The following ZNF345 variants were observed in gnomAD, a reference collection of about 807,000 sequenced individuals.
ZNF345 encodes the protein zinc finger protein 345.
For missense variants in ZNF345, 527 were observed against 589.9 expected, an observed-to-expected ratio of 0.89 and a Z score of 1.10; for synonymous variants, 166 against 187.9, an observed-to-expected ratio of 0.88 and a Z score of 0.95.
intron 2 of ZNF345, chr19:36,858,363 T>TC (rs1555720219): frequency 6.6e-6 from 1 of 152,656 alleles, no homozygotes; most frequent in African/African-American, 2.4e-5. Context: ...CAGATGACTC[T>TC]ATGCACTGCC....
rs182805676 is a variant in ZNF345 at position 36,868,502 on chromosome 19, C to T, written c.-46-8283C>T. Among the ~76,000 whole-genome samples, 184 of 152,194 alleles carry T rather than the reference C, an allele frequency of 1.2e-3. 1 individual carries two copies. Among genetic ancestry groups the T allele is most frequent in the Non-Finnish European group, 2.1e-3 (142 of 68,002 alleles). ...GTTCTTAGGCCAGTCCTTTTGATTACTGTAGCTTTATAATAGTAAGTTTTA... is the reference window on the plus strand; with the variant it reads ...GTTCTTAGGCCAGTCCTTTTGATTATTGTAGCTTTATAATAGTAAGTTTTA... On this transcript the variant is annotated intron_variant, in intron 2 of 2. Coordinates refer to ENST00000420450, the MANE Select transcript of ZNF345 (RefSeq NM_001242472.2).
chr19:36,872,226 A>C (rs574403070), intron 2 of ZNF345, among the ~76,000 whole-genome samples: 1 of 152,292 alleles, frequency 6.6e-6, no homozygotes, highest in East Asian at 1.9e-4. Context: ...ATGATGGTAC[A>C]TCTTTTATTG....
intron 2 of ZNF345, among the ~76,000 whole-genome samples, chr19:36,854,235 G>GTTTTTTTTTTTTTTTT (rs34215056): frequency 7.2e-6 from 1 of 138,700 alleles, no homozygotes; most frequent in African/African-American, 2.6e-5. Flanking sequence ...CCTGGGTTTT[G>GTTTTTTTTTTTTTTTT]TTTTTTTTTT....
chr19:36,880,432 A>ATG (rs35326782), downstream of ZNF345, among the ~76,000 whole-genome samples: 36,249 of 152,058 alleles, frequency 0.24, 6,036 homozygotes, highest in African/African-American at 0.47. Flanking sequence ...TAAAAAAACT[A>ATG]GCAGTTTTCT....
chr19:36,877,948 A>G lies in ZNF345; in HGVS notation c.1118A>G (p.Lys373Arg). Reference protein sequence around the residue: ...IHTGEKPYECKECGKAFGSGS... With the variant: ...IHTGEKPYECRECGKAFGSGS... ...ACTGGTGAGAAACCCTATGAATGTA[A>G]GGAATGTGGGAAGGCCTTTGGTAGT... Residue 373 changes from lysine to arginine, a missense_variant, in exon 3 of 3, where the codon AAG becomes AGG. Lys to Arg is a conservative substitution (Grantham distance 26). Transcript: ENST00000420450. 3.1e-6 allele frequency: 5 copies of G among 1,614,104 alleles called. No individual in the cohort carries two copies. Among genetic ancestry groups the G allele is most frequent in the Non-Finnish European group, 4.2e-6 (5 of 1,179,936 alleles).
intron 2 of ZNF345, among the ~76,000 whole-genome samples, chr19:36,859,007 G>A (rs2072485358): frequency 6.6e-6 from 1 of 151,638 alleles, no homozygotes; most frequent in South Asian, 2.1e-4. Context: ...AAAATACACT[G>A]GTCATCTTAG....
At chr19:36,855,394 C>T (rs552348421) in intron 2 of ZNF345, among the ~76,000 whole-genome samples, 15 of 148,974 alleles carry the variant, frequency 1.0e-4, no homozygotes, top group East Asian at 2.0e-4. Context: ...ATGATCTGCC[C>T]GCCTCGGCCT....
intron 3 of ZNF345, among the ~76,000 whole-genome samples, chr19:36,886,640 G>A (rs996679437): frequency 3.3e-5 from 5 of 152,056 alleles, no homozygotes; most frequent in Non-Finnish European, 7.4e-5. Flanking sequence ...GAGGTCAGGA[G>A]TTCGAGACCA....
intron 2 of ZNF345, among the ~76,000 whole-genome samples, chr19:36,867,171 T>C (rs1285969681): frequency 5.3e-5 from 8 of 152,206 alleles, no homozygotes; most frequent in Non-Finnish European, 1.2e-4. Context: ...TTTACCAACA[T>C]TTGGAATAGT....
chr19:36,889,260 G>T (rs924474825), intron 3 of ZNF345: 1 of 151,946 alleles, frequency 6.6e-6, no homozygotes, highest in Non-Finnish European at 1.5e-5. Flanking sequence ...TAGTTTTTTT[G>T]TGTGTTTTAT....
At chr19:36,861,313 T>G (rs1295412131) in intron 2 of ZNF345, among the ~76,000 whole-genome samples, 1 of 152,222 alleles carries the variant, frequency 6.6e-6, no homozygotes, top group Non-Finnish European at 1.5e-5. Context: ...AATGTGAATA[T>G]TTGGAAACCA....
chr19:36,886,329 G>A (rs1425054467), intron 3 of ZNF345, among the ~76,000 whole-genome samples: 2 of 152,136 alleles, frequency 1.3e-5, no homozygotes, highest in African/African-American at 4.8e-5. Flanking sequence ...TTACACTGGA[G>A]AAACTTGACA....
chr19:36,860,106 C>T (rs1399034536), intron 2 of ZNF345, among the ~76,000 whole-genome samples: 4 of 151,974 alleles, frequency 2.6e-5, no homozygotes, highest in Non-Finnish European at 5.9e-5. Context: ...TACAGGCGCA[C>T]GCCACCACAC....
intron 2 of ZNF345, among the ~76,000 whole-genome samples, chr19:36,863,347 C>A (rs1330869805): frequency 6.6e-6 from 1 of 152,134 alleles, no homozygotes; most frequent in Non-Finnish European, 1.5e-5. Context: ...TGAGCATGCC[C>A]TTTGCACTAC....
In ZNF345 at chr19:36,876,794, C is replaced by CA. The variant is rs754679336; in HGVS notation, c.-34dup. 23 of 1,538,996 alleles carry CA rather than the reference C, an allele frequency of 1.5e-5. No homozygotes were observed. In the South Asian group the frequency reaches 2.7e-4, roughly 18 times the overall value. On this transcript the variant is annotated 5_prime_UTR_variant, in exon 3 of 3. It removes the in-frame stop codon of an upstream open reading frame in the 5' UTR. Coordinates refer to ENST00000420450, the MANE Select transcript of ZNF345 (RefSeq NM_001242472.2). ...TTATATTTTCTTTCAGACTATGAAT[C>CA]AAAGTTGAGACCAAGAAATTATTTC...
chr19:36,871,288 A>G (rs2072765972), intron 2 of ZNF345, among the ~76,000 whole-genome samples: 1 of 152,162 alleles, frequency 6.6e-6, no homozygotes, highest in Non-Finnish European at 1.5e-5. Flanking sequence ...TTACCCCATT[A>G]CATTGATAAC....
At chr19:36,854,948 G>T (rs826622) in intron 2 of ZNF345, among the ~76,000 whole-genome samples, 53,014 of 150,262 alleles carry the variant, frequency 0.35, 10,352 homozygotes, top group East Asian at 0.59. Flanking sequence ...CCACCTCCTG[G>T]GTTTGCCATT....
chr19:36,868,058 A>C (rs1253819166), intron 2 of ZNF345, among the ~76,000 whole-genome samples: 1 of 143,206 alleles, frequency 7.0e-6, no homozygotes. Flanking sequence ...GCTAGAGTGC[A>C]GTGGTGAAAT....
chr19:36,864,874 C>T lies in ZNF345; in HGVS notation c.-46-11911C>T, dbSNP rs148780697. 5.7e-3 allele frequency among the ~76,000 whole-genome samples: 866 copies of T among 152,266 alleles called. 1 individual carries two copies. The highest frequency in any genetic ancestry group is 9.3e-3 in the South Asian group (45 of 4,824). ...TTTTGTGCCATAAGTGCCTCACTTG[C>T]CTTAGCCATGTCCTGTTCCTGCTGT... is the stretch of plus-strand genomic sequence containing the variant. On this transcript the variant is annotated intron_variant, in intron 2 of 2. Coordinates refer to ENST00000420450, the MANE Select transcript of ZNF345 (RefSeq NM_001242472.2).
Sources: allele counts gnomAD v4.1 joint callset (sites outside exome capture counted in the v4.1 genomes callset), GRCh38; gene constraint gnomAD v4.1.1; transcripts MANE v1.5; gene names NCBI Gene and HGNC (gene_info 2026-07-23, HGNC 2026-07-21).